LAMP3: variants seen among roughly 807,000 people sequenced by gnomAD.
LAMP3 encodes lysosome associated membrane protein 3.
In LAMP3, 26 loss-of-function variants were observed where a neutral mutation model predicts 34.8. The observed-to-expected ratio is 0.75, with a 90% CI of 0.55 to 1.04. The LOEUF (loss-of-function observed/expected upper bound fraction) is 1.04. LAMP3 is among the 50% of genes least tolerant of loss of function. The probability of loss-of-function intolerance (pLI) is 0.00; values close to 1 mark genes in which losing one functional copy is unlikely to be tolerated. For synonymous variants in LAMP3, 180 were observed against 201.9 expected (o/e 0.89, Z 0.92); for missense variants, 495 against 524.0 (o/e 0.94, Z 0.54).
At chr3:183,160,297 T>A (rs1352192452) in intron 1 of LAMP3, among the ~76,000 whole-genome samples, 1 of 152,196 alleles carries the variant, frequency 6.6e-6, no homozygotes, top group East Asian at 1.9e-4. Context: ...TTTCTGATGA[T>A]TTTTGCTCAT....
At chr3:183,128,320 G>A (rs766720543) in intron 5 of LAMP3, among the ~76,000 whole-genome samples, 9 of 151,998 alleles carry the variant, frequency 5.9e-5, no homozygotes, top group Non-Finnish European at 1.2e-4. Context: ...TTATATTTCT[G>A]ATGTTTCTTT....
chr3:183,161,860 G>C (rs13078394), intron 1 of LAMP3: 44,582 of 534,532 alleles, frequency 0.083, 1,971 homozygotes, highest in Middle Eastern at 0.13. Flanking sequence ...AACTGTAAGT[G>C]TGAAAGTGTG....
At chr3:183,135,647 A>C in intron 5 of LAMP3, 70 bp downstream of exon 5, 3 of 1,410,260 alleles carry the variant, frequency 2.1e-6, no homozygotes, top group South Asian at 1.2e-5. Flanking sequence ...AGCTGCAGAC[A>C]GAAAACACTT....
At chr3:183,128,097 G>A (rs751772099) in intron 5 of LAMP3, among the ~76,000 whole-genome samples, 4 of 147,824 alleles carry the variant, frequency 2.7e-5, no homozygotes, top group Non-Finnish European at 5.9e-5. Context: ...GCAATGAGCC[G>A]AGATCACGCC....
chr3:183,125,927 C>T (rs2108593809), intron 5 of LAMP3, among the ~76,000 whole-genome samples: 1 of 152,124 alleles, frequency 6.6e-6, no homozygotes, highest in South Asian at 2.1e-4. Context: ...CTTGACTTCC[C>T]AAAGTGCTGG....
chr3:183,127,397 A>G (rs1181310845), intron 5 of LAMP3, among the ~76,000 whole-genome samples: 2 of 152,072 alleles, frequency 1.3e-5, no homozygotes, highest in African/African-American at 4.8e-5. Context: ...GGCCTCCCAA[A>G]GTTTCAGGTG....
At chr3:183,152,604 G>A in intron 2 of LAMP3, 101 bp from the exon 3 acceptor site, 1 of 1,093,114 alleles carries the variant, frequency 9.1e-7, no homozygotes, top group South Asian at 1.8e-5. Context: ...ACTTAAGGCT[G>A]AGGATTCGCT....
intron 5 of LAMP3, chr3:183,131,923 G>C (rs1719935898): frequency 1.0e-6 from 1 of 985,146 alleles, no homozygotes; most frequent in African/African-American, 1.7e-5. Context: ...CCCCCATCAG[G>C]AATGTACTGC....
chr3:183,150,312 T>C (rs1272714236), intron 3 of LAMP3, among the ~76,000 whole-genome samples: 2 of 152,178 alleles, frequency 1.3e-5, no homozygotes, highest in Non-Finnish European at 2.9e-5. Context: ...AAGGCAGGGT[T>C]GGAGCATCAG....
At chr3:183,141,862 G>C (rs1050841089) in intron 3 of LAMP3, among the ~76,000 whole-genome samples, 5 of 152,108 alleles carry the variant, frequency 3.3e-5, no homozygotes, top group Admixed American at 2.6e-4. Flanking sequence ...AATGAGGCTG[G>C]GTGACTTGCT....
At chr3:183,152,644 T>G in intron 2 of LAMP3, 141 bp from the exon 3 acceptor site, 1 of 685,588 alleles carries the variant, frequency 1.5e-6, no homozygotes, top group Non-Finnish European at 2.4e-6. Context: ...AGACAACACC[T>G]CTCGTTTTCA....
chr3:183,149,980 C>G (rs1720580575), intron 3 of LAMP3, among the ~76,000 whole-genome samples: 1 of 152,164 alleles, frequency 6.6e-6, no homozygotes, highest in Non-Finnish European at 1.5e-5. Context: ...CTGCCTACCT[C>G]CCGGCGAAGG....
chr3:183,140,854 C>T (rs1720262384), intron 3 of LAMP3, among the ~76,000 whole-genome samples: 1 of 152,182 alleles, frequency 6.6e-6, no homozygotes, highest in Admixed American at 6.5e-5. Context: ...TATTCAAATT[C>T]CACCAGTACA....
At chr3:183,148,573 G>A (rs1720516408) in intron 3 of LAMP3, among the ~76,000 whole-genome samples, 1 of 152,038 alleles carries the variant, frequency 6.6e-6, no homozygotes, top group Non-Finnish European at 1.5e-5. Flanking sequence ...ACATAAAATG[G>A]CATACAGGTC....
Position 183,123,928 on chromosome 3 carries a change from C to T in LAMP3, c.*153G>A, listed in dbSNP as rs528976468. On this transcript the variant is annotated 3_prime_UTR_variant, in exon 6 of 6. Coordinates refer to ENST00000265598, the MANE Select transcript of LAMP3 (RefSeq NM_014398.4). Reference sequence around the variant, plus strand: ...TTTAGAAATTGATGTGCTGCCTGAACTTAAATCACACATGACTCACTTCAT... The same window carrying T: ...TTTAGAAATTGATGTGCTGCCTGAATTTAAATCACACATGACTCACTTCAT... 9.6e-6 allele frequency: 7 copies of T among 730,714 alleles called. No individual in the cohort carries two copies. In the East Asian group the frequency reaches 1.7e-4, roughly 18 times the overall value. The allele number at this position is 730,714 out of a possible 1,614,324, so 45.3% of individuals were successfully genotyped here. A position where few individuals can be genotyped will look rare whatever the true frequency, so the allele number is the denominator to read the frequency against.
chr3:183,130,133 C>A lies in LAMP3; in HGVS notation c.1117+5584G>T, dbSNP rs941248515. 3.4e-5 allele frequency among the ~76,000 whole-genome samples: 5 copies of A among 148,792 alleles called. No individual in the cohort carries two copies. The Admixed American group carries it at 3.4e-4, about 10-fold the overall frequency. ...TGGTATGTTACTAAGACAGTCTTAG[C>A]AAACTAATACACCCTCACTCCTTTT... On this transcript the variant is annotated intron_variant, in intron 5 of 5. Coordinates refer to ENST00000265598, the MANE Select transcript of LAMP3 (RefSeq NM_014398.4).
rs371126983 is a variant in LAMP3, at chr3:183,154,380, C to T, written c.61G>A (p.Asp21Asn). The T allele has an allele frequency of 1.9e-5, 30 of 1,592,118 alleles. No individual in the cohort carries two copies. The highest frequency in any genetic ancestry group is 1.1e-4 in the Admixed American group (6 of 55,518). Residue 21 changes from aspartate (D) to asparagine (N), a missense_variant, in exon 2 of 6, where the codon GAT becomes AAT. By Grantham distance (23) the Asp-to-Asn change is conservative. Coordinates refer to ENST00000265598, the MANE Select transcript of LAMP3 (RefSeq NM_014398.4). Reference sequence around the variant, plus strand: ...GCTTTTGCTCTCATTTGACTGCCATCGTGCAAAATTACTGAAAATTAGGAA... The same window carrying T: ...GCTTTTGCTCTCATTTGACTGCCATTGTGCAAAATTACTGAAAATTAGGAA... Reference protein sequence around the residue: ...LFASLAVILHDGSQMRAKAFP... With the variant: ...LFASLAVILHNGSQMRAKAFP...
chr3:183,157,747 A>T (rs1259835734), intron 1 of LAMP3, among the ~76,000 whole-genome samples: 1 of 152,042 alleles, frequency 6.6e-6, no homozygotes, highest in East Asian at 1.9e-4. Flanking sequence ...GCACCCTTAA[A>T]AAAAACAAAA....
chr3:183,145,574 G>T lies in LAMP3; in HGVS notation c.889-4979C>A, dbSNP rs190498195. Among the ~76,000 whole-genome samples the T allele has an allele frequency of 6.6e-5, 10 of 152,264 alleles. 1 individual carries two copies. The highest frequency in any genetic ancestry group is 6.5e-4 in the Admixed American group (10 of 15,292). ...TTCAATTTAAAAAACTACAAATTGG[G>T]CTGGGCACAGTGGCTCACACCTGTA... On this transcript the variant is annotated intron_variant, in intron 3 of 5. Coordinates refer to ENST00000265598, the MANE Select transcript of LAMP3 (RefSeq NM_014398.4).
Sources: gnomAD v4.1 joint callset for allele counts (sites outside exome capture counted in the v4.1 genomes callset) on GRCh38, gnomAD v4.1.1 for gene constraint, MANE v1.5 for transcripts, NCBI Gene and HGNC (gene_info 2026-07-23, HGNC 2026-07-21) for gene names.